EFCAB6: variants seen among roughly 807,000 people sequenced by gnomAD.
EFCAB6 encodes the protein EF-hand calcium binding domain 6, also known as EF-hand calcium-binding domain-containing protein 6.
Under a neutral mutation model 169.8 loss-of-function variants are expected in EFCAB6, and 156 were observed. That is an observed-to-expected ratio of 0.92 (90% CI 0.81 to 1.05). The LOEUF (loss-of-function observed/expected upper bound fraction) is 1.05, where lower values mean the gene tolerates loss of function less well. EFCAB6 is among the 50% of genes least tolerant of loss of function. The pLI, the probability that EFCAB6 is intolerant of heterozygous loss-of-function variation, is 0.00. For synonymous variants in EFCAB6, 698 were observed against 676.4 expected (o/e 1.03, Z -0.50); for missense variants, 1,800 against 1,829.1 (o/e 0.98, Z 0.29).
intron 17 of EFCAB6, among the ~76,000 whole-genome samples, chr22:43,642,059 AG>A (rs1355606534): frequency 0.011 from 1 of 90 alleles, no homozygotes; most frequent in Non-Finnish European, 0.024. Context: ...TCCTGCCTCA[AG>A]CCTCCTGAGT....
chr22:43,561,262 C>A (rs1371212634), intron 26 of EFCAB6, among the ~76,000 whole-genome samples: 1 of 151,204 alleles, frequency 6.6e-6, no homozygotes, highest in Non-Finnish European at 1.5e-5. Context: ...GGGGCTGAGG[C>A]AGAAGAATTG....
At chr22:43,691,875 T>C (rs2058425334) in intron 10 of EFCAB6, among the ~76,000 whole-genome samples, 1 of 152,154 alleles carries the variant, frequency 6.6e-6, no homozygotes, top group Non-Finnish European at 1.5e-5. Context: ...AGGCAAAGTC[T>C]TGTGGGTAAT....
At chr22:43,551,690 G>A (rs965871676) in intron 27 of EFCAB6, among the ~76,000 whole-genome samples, 3 of 152,106 alleles carry the variant, frequency 2.0e-5, no homozygotes, top group Non-Finnish European at 4.4e-5. Context: ...GCCCCAGTGT[G>A]TGTTGTTCCC....
chr22:43,698,457 C>G (rs2058654401), intron 10 of EFCAB6, among the ~76,000 whole-genome samples: 1 of 152,172 alleles, frequency 6.6e-6, no homozygotes, highest in African/African-American at 2.4e-5. Context: ...CAAGATATCC[C>G]ATGCAATATA....
intron 10 of EFCAB6, among the ~76,000 whole-genome samples, chr22:43,705,538 A>G (rs1470861320): frequency 6.6e-6 from 1 of 152,192 alleles, no homozygotes; most frequent in Non-Finnish European, 1.5e-5. Context: ...TTCTGACCAC[A>G]ATGATCTAAA....
At chr22:43,683,076 C>T (rs765379506) in intron 12 of EFCAB6, among the ~76,000 whole-genome samples, 1 of 152,122 alleles carries the variant, frequency 6.6e-6, no homozygotes, top group East Asian at 1.9e-4. Context: ...CACCTTTGGC[C>T]TCTGAAATCA....
chr22:43,717,084 C>A, intron 8 of EFCAB6, 112 bp from the exon 9 acceptor site: 1 of 1,301,088 alleles, frequency 7.7e-7, no homozygotes, highest in South Asian at 2.3e-5. Flanking sequence ...TTGAATAAAC[C>A]AAGAAAATGA....
intron 27 of EFCAB6, chr22:43,553,571 G>C (rs2048513024): frequency 1.3e-5 from 2 of 152,370 alleles, no homozygotes; most frequent in Admixed American, 6.5e-5. Flanking sequence ...GCCCTGCACT[G>C]CTTTGGCATT....
chr22:43,808,296 A>G (rs542410865), intron 2 of EFCAB6, among the ~76,000 whole-genome samples: 1 of 152,364 alleles, frequency 6.6e-6, no homozygotes, highest in South Asian at 2.1e-4. Context: ...AACATCCATG[A>G]ATCTAGGTAT....
At chr22:43,756,762 G>A (rs988542651) in intron 5 of EFCAB6, among the ~76,000 whole-genome samples, 15 of 152,248 alleles carry the variant, frequency 9.9e-5, no homozygotes, top group Non-Finnish European at 2.1e-4. Flanking sequence ...AAGATGGGAT[G>A]ACTCTTTGGA....
At chr22:43,643,917 G>A (rs1034392993) in intron 17 of EFCAB6, among the ~76,000 whole-genome samples, 1 of 151,660 alleles carries the variant, frequency 6.6e-6, no homozygotes, top group Non-Finnish European at 1.5e-5. Flanking sequence ...TCTGCCTCCC[G>A]GGTTCACACC....
chr22:43,565,015 G>A (rs1034330165), intron 26 of EFCAB6, among the ~76,000 whole-genome samples: 2 of 152,178 alleles, frequency 1.3e-5, no homozygotes, highest in Non-Finnish European at 2.9e-5. Context: ...CCCTTTGCCA[G>A]GGGGGGCTTT....
intron 2 of EFCAB6, among the ~76,000 whole-genome samples, chr22:43,789,261 A>C (rs563788721): frequency 1.3e-5 from 2 of 152,132 alleles, no homozygotes; most frequent in African/African-American, 4.8e-5. Flanking sequence ...AAAGGATGTG[A>C]ATTTTATGGT....
At chr22:43,619,235 C>A (rs188044746) in intron 20 of EFCAB6, among the ~76,000 whole-genome samples, 1 of 152,078 alleles carries the variant, frequency 6.6e-6, no homozygotes, top group Non-Finnish European at 1.5e-5. Context: ...CCCTGAAGAG[C>A]GCTGCAATGA....
At chr22:43,782,539 C>A (rs553922393) in intron 2 of EFCAB6, among the ~76,000 whole-genome samples, 9 of 152,290 alleles carry the variant, frequency 5.9e-5, no homozygotes, top group Non-Finnish European at 1.2e-4. Context: ...CAATAAACTT[C>A]AAAAACGGCA....
intron 20 of EFCAB6, among the ~76,000 whole-genome samples, chr22:43,616,458 T>A (rs1212437700): frequency 6.6e-6 from 1 of 152,184 alleles, no homozygotes; most frequent in South Asian, 2.1e-4. Context: ...AGGTCAGGAC[T>A]TCGAGATCAG....
intron 11 of EFCAB6, 27 bp from the exon 12 acceptor site, chr22:43,683,882 G>T: frequency 6.5e-7 from 1 of 1,530,078 alleles, no homozygotes; most frequent in Non-Finnish European, 9.1e-7. Context: ...AGAAAAGCAG[G>T]AATAAGATTA....
At chr22:43,546,606 C>T (rs942922863) in intron 27 of EFCAB6, among the ~76,000 whole-genome samples, 1 of 152,182 alleles carries the variant, frequency 6.6e-6, no homozygotes, top group Non-Finnish European at 1.5e-5. Context: ...CGTGGTGGCT[C>T]ACGCCTGTAA....
chr22:43,734,122 G>C (rs1301593645), intron 7 of EFCAB6, among the ~76,000 whole-genome samples: 1 of 152,116 alleles, frequency 6.6e-6, no homozygotes, highest in Non-Finnish European at 1.5e-5. Flanking sequence ...TGACTTCAAA[G>C]CCTGGGCCAT....
Sources: allele counts gnomAD v4.1 joint callset (sites outside exome capture counted in the v4.1 genomes callset), GRCh38; gene constraint gnomAD v4.1.1; transcripts MANE v1.5; gene names NCBI Gene and HGNC (gene_info 2026-07-23, HGNC 2026-07-21).